The following LHFPL2 variants were observed in gnomAD, a reference collection of about 807,000 sequenced individuals.
The protein encoded by LHFPL2 is LHFPL tetraspan subfamily member 2, also known as LHFPL tetraspan subfamily member 2 protein.
LHFPL2 carries 7 observed loss-of-function variants against 17.5 expected under a neutral mutation model. The observed-to-expected ratio is 0.40, with a 90% CI of 0.23 to 0.75. The LOEUF (loss-of-function observed/expected upper bound fraction) is 0.75, where lower values mean the gene tolerates loss of function less well. Among genes scored for constraint, LHFPL2 ranks in the 30% least tolerant of loss-of-function variants. The pLI is 0.37. For missense variants in LHFPL2, 241 were observed against 294.8 expected, an observed-to-expected ratio of 0.82 and a Z score of 1.34; for synonymous variants, 134 against 116.2, an observed-to-expected ratio of 1.15 and a Z score of -0.99.
chr5:78,507,907 C>A (rs997642834), intron 4 of LHFPL2, among the ~76,000 whole-genome samples: 4 of 151,178 alleles, frequency 2.6e-5, no homozygotes, highest in African/African-American at 9.8e-5. Flanking sequence ...TTCAGTAATA[C>A]TTCCCTGCAA....
At chr5:78,567,807 T>C (rs943098670) in intron 2 of LHFPL2, among the ~76,000 whole-genome samples, 2 of 152,158 alleles carry the variant, frequency 1.3e-5, no homozygotes, top group Non-Finnish European at 1.5e-5. Flanking sequence ...AGAGAAAATT[T>C]TGGCCGCATT....
At chr5:78,531,064 TG>T (rs1755768574) in intron 3 of LHFPL2, among the ~76,000 whole-genome samples, 1 of 152,176 alleles carries the variant, frequency 6.6e-6, no homozygotes, top group Non-Finnish European at 1.5e-5. Flanking sequence ...GGGTGCAAAA[TG>T]GTTTAATCAT....
At chr5:78,536,265 C>T (rs1359546957) in intron 3 of LHFPL2, among the ~76,000 whole-genome samples, 2 of 152,274 alleles carry the variant, frequency 1.3e-5, no homozygotes, top group Middle Eastern at 3.4e-3. Context: ...TGGCTGTTGC[C>T]CCTACTGTCC....
chr5:78,623,016 G>C (rs1317178142), intron 2 of LHFPL2, among the ~76,000 whole-genome samples: 1 of 152,160 alleles, frequency 6.6e-6, no homozygotes, highest in Non-Finnish European at 1.5e-5. Context: ...TCATCTAGAG[G>C]AAAATAGAGA....
intron 3 of LHFPL2, among the ~76,000 whole-genome samples, chr5:78,555,468 A>G (rs1756547620): frequency 6.6e-6 from 1 of 152,226 alleles, no homozygotes; most frequent in African/African-American, 2.4e-5. Context: ...TGGACTAAGA[A>G]AGGAGGAACA....
chr5:78,527,882 CT>C (rs1755666799), intron 3 of LHFPL2, among the ~76,000 whole-genome samples: 1 of 152,148 alleles, frequency 6.6e-6, no homozygotes, highest in South Asian at 2.1e-4. Flanking sequence ...TCAGCAACAC[CT>C]CTCGTTCTGA....
chr5:78,520,026 T>C (rs1344523314), intron 3 of LHFPL2, among the ~76,000 whole-genome samples: 3 of 151,244 alleles, frequency 2.0e-5, no homozygotes, highest in Non-Finnish European at 4.4e-5. Flanking sequence ...CTAAGGACAG[T>C]TTCCTCATCT....
intron 4 of LHFPL2, among the ~76,000 whole-genome samples, chr5:78,493,838 A>G (rs989826357): frequency 6.6e-6 from 1 of 152,236 alleles, no homozygotes; most frequent in Non-Finnish European, 1.5e-5. Flanking sequence ...CAATGGGCAT[A>G]TGAGACAAAG....
At chr5:78,560,229 A>C (rs1303185947) in intron 3 of LHFPL2, among the ~76,000 whole-genome samples, 1 of 152,270 alleles carries the variant, frequency 6.6e-6, no homozygotes, top group Non-Finnish European at 1.5e-5. Context: ...CTCAGAATGC[A>C]CATAAGTGCC....
At chr5:78,641,882 T>C (rs1166375510) in intron 1 of LHFPL2, 2 of 144,098 alleles carry the variant, frequency 1.4e-5, no homozygotes, top group African/African-American at 5.2e-5. Context: ...AATATATTTA[T>C]TGTATTTAAG....
intron 3 of LHFPL2, among the ~76,000 whole-genome samples, chr5:78,518,911 C>G (rs1287517761): frequency 6.6e-6 from 1 of 152,142 alleles, no homozygotes; most frequent in African/African-American, 2.4e-5. Context: ...AGTGAGGAAA[C>G]CAGGCCACTT....
chr5:78,595,573 G>A (rs1385996369), intron 2 of LHFPL2, among the ~76,000 whole-genome samples: 1 of 152,140 alleles, frequency 6.6e-6, no homozygotes, highest in Non-Finnish European at 1.5e-5. Context: ...GTGCAGCAGC[G>A]TGACCACTGC....
Position 78,572,539 on chromosome 5 carries a change from C to CAT in LHFPL2, c.-244-7670_-244-7669dup, listed in dbSNP as rs149879461. ...ACACACATATATATATATACACACA[C>CAT]ATATATATATACTAACTAAATATAT... On this transcript the variant is annotated intron_variant, in intron 2 of 4. Coordinates refer to ENST00000380345, the MANE Select transcript of LHFPL2 (RefSeq NM_005779.3). Among the ~76,000 whole-genome samples, 964 of 149,998 alleles carry CAT rather than the reference C, an allele frequency of 6.4e-3. 14 individuals are homozygous for CAT. Among genetic ancestry groups the CAT allele is most frequent in the African/African-American group, 0.023 (918 of 40,766 alleles).
At chr5:78,569,071 C>T (rs930807406) in intron 2 of LHFPL2, among the ~76,000 whole-genome samples, 5 of 152,138 alleles carry the variant, frequency 3.3e-5, no homozygotes, top group Non-Finnish European at 7.3e-5. Flanking sequence ...CAACAACCAA[C>T]GTAAGATGCC....
rs189144601 is a variant in LHFPL2 at position 78,529,589 on chromosome 5, T to C, written c.-185-19191A>G. The stretch of plus-strand genomic sequence containing the variant: ...AAGCGGAGCTTGCAGTGAGCCGAGA[T>C]TGCGCCACTGCAGTCCGCAGTCCGG... On this transcript the variant is annotated intron_variant, in intron 3 of 4. Coordinates refer to ENST00000380345, the MANE Select transcript of LHFPL2 (RefSeq NM_005779.3). Among the ~76,000 whole-genome samples the C allele has an allele frequency of 2.0e-4, 31 of 151,836 alleles. 1 individual carries two copies. In the South Asian group the frequency reaches 5.6e-3, roughly 27 times the overall value.
intron 2 of LHFPL2, among the ~76,000 whole-genome samples, chr5:78,609,450 C>CAA (rs71613975): frequency 0.035 from 1,404 of 40,028 alleles, 171 homozygotes; most frequent in Non-Finnish European, 0.041. Context: ...GACTCAGTCT[C>CAA]AAAAAAAAAA....
chr5:78,624,946 G>A (rs1744979129), intron 2 of LHFPL2: 1 of 152,182 alleles, frequency 6.6e-6, no homozygotes, highest in Non-Finnish European at 1.5e-5. Context: ...GGGATTACAG[G>A]TGCCTGCCAC....
At chr5:78,535,827 C>A (rs922345055) in intron 3 of LHFPL2, among the ~76,000 whole-genome samples, 1 of 152,208 alleles carries the variant, frequency 6.6e-6, no homozygotes, top group Non-Finnish European at 1.5e-5. Flanking sequence ...TTTCACATGA[C>A]AACAGGTGCC....
chr5:78,488,968 CTG>C lies in LHFPL2; in HGVS notation c.614_615del (p.Ala205GlyfsTer6). 1 of 1,614,206 alleles carries C rather than the reference CTG, an allele frequency of 6.2e-7. No individual in the cohort carries two copies. Among genetic ancestry groups the C allele is most frequent in the Non-Finnish European group, 8.5e-7 (1 of 1,180,030 alleles). On this transcript the variant is annotated frameshift_variant, in exon 5 of 5. Transcript: ENST00000380345. LOFTEE classifies it high-confidence loss of function. ...TFICAVFSAQ[A>X]EIATSSDKVQ... ...ACTTTGTCACTAGAGGTTGCAATTT[CTG>C]CTTGTGCAGAGAAGACAGCACAGAT...
Sources: gnomAD v4.1 joint callset for allele counts (sites outside exome capture counted in the v4.1 genomes callset) on GRCh38, gnomAD v4.1.1 for gene constraint, MANE v1.5 for transcripts, NCBI Gene and HGNC (gene_info 2026-07-23, HGNC 2026-07-21) for gene names.